The following TECTB variants were observed in gnomAD, a reference collection of about 807,000 sequenced individuals.
TECTB encodes the protein beta-tectorin.
In TECTB, 45 loss-of-function variants were observed where a neutral mutation model predicts 43.3. That is an observed-to-expected ratio of 1.04 (90% CI 0.82 to 1.33). The LOEUF is 1.33. Ranked by LOEUF, TECTB falls within the 40% of genes most tolerant of loss-of-function variation. The pLI is 0.00. For missense variants in TECTB, 399 were observed against 404.7 expected (o/e 0.99, Z 0.12); for synonymous variants, 169 against 156.7 (o/e 1.08, Z -0.59).
intron 2 of TECTB, 46 bp downstream of exon 2, chr10:112,283,856 A>G: frequency 6.3e-7 from 1 of 1,594,876 alleles, no homozygotes; most frequent in Non-Finnish European, 8.6e-7. Context: ...AAGTTTCCTG[A>G]AGTTTCCTTT....
intron 7 of TECTB, among the ~76,000 whole-genome samples, chr10:112,295,112 T>C (rs1463242778): frequency 6.6e-6 from 1 of 152,198 alleles, no homozygotes; most frequent in Non-Finnish European, 1.5e-5. Context: ...GATGTGGACA[T>C]CATACACATA....
chr10:112,302,240 G>A, intron 10 of TECTB, 107 bp downstream of exon 10: 5 of 1,395,492 alleles, frequency 3.6e-6, no homozygotes, highest in Middle Eastern at 1.8e-4. Flanking sequence ...TTTAAGGATT[G>A]AAAATTATAC....
rs1372770065 is a variant in TECTB at position 112,298,230 on chromosome 10, T to C, written c.833T>C (p.Val278Ala). 2 of 1,612,598 alleles carry C rather than the reference T, an allele frequency of 1.2e-6. No individual in the cohort carries two copies. The highest frequency in any genetic ancestry group is 1.7e-6 in the Non-Finnish European group (2 of 1,179,354). ...ICDSEKLSCP[V>A]TCDKRKRLLR... is the part of the protein sequence containing the mutation. ...GACAGTGAGAAACTCTCCTGCCCAG[T>C]GGTGAGCTGCCTCTCTCCAGAAGGA... The change falls in exon 8 of 11, where the codon GTG becomes GCG. Residue 278 changes from valine (V) to alanine (A), a missense_variant and splice_region_variant. By Grantham distance (64) the Val-to-Ala change is moderately conservative. Transcript: ENST00000646139.
At chr10:112,289,728 A>C (rs1848482409) in intron 5 of TECTB, among the ~76,000 whole-genome samples, 1 of 152,210 alleles carries the variant, frequency 6.6e-6, no homozygotes, top group Non-Finnish European at 1.5e-5. Context: ...ATCCCTATTA[A>C]AAAATGAAGC....
intron 5 of TECTB, among the ~76,000 whole-genome samples, chr10:112,288,532 G>A (rs545073252): frequency 3.3e-5 from 5 of 152,004 alleles, no homozygotes; most frequent in South Asian, 2.1e-4. Context: ...TGACACTTTC[G>A]TACTGATTAA....
chr10:112,292,930 GC>G (rs542490706), intron 5 of TECTB, among the ~76,000 whole-genome samples: 179 of 152,192 alleles, frequency 1.2e-3, no homozygotes, highest in African/African-American at 3.5e-3. Context: ...TAGCTACATG[GC>G]CCCCCTCCTC....
chr10:112,303,389 A>G lies in TECTB; in HGVS notation c.*77A>G, dbSNP rs1472982996. On this transcript the variant is annotated 3_prime_UTR_variant, in exon 11 of 11. Transcript: ENST00000646139. ...GACAAACACATTTATTGTGCTGCCA[A>G]AAAGAACAAACAGAAGACCACATTG... 4 of 1,572,808 alleles carry G rather than the reference A, an allele frequency of 2.5e-6. No individual in the cohort carries two copies. The highest frequency in any genetic ancestry group is 3.5e-6 in the Non-Finnish European group (4 of 1,143,026).
chr10:112,294,378 ATG>A (rs978472259), intron 7 of TECTB, among the ~76,000 whole-genome samples: 35 of 152,134 alleles, frequency 2.3e-4, no homozygotes, highest in African/African-American at 8.4e-4. Context: ...CTCATATTAA[ATG>A]TGTGTGTGCG....
At position 112,304,767 on chromosome 10, in the gene TECTB, G is replaced by A. The variant is rs1464939142; in HGVS notation, c.*1455G>A. ...GGCTAAAGTAAAATGACTCAATTTG[G>A]TCTAGACTTGGTCTCTAAGCTGGAG... On this transcript the variant is annotated 3_prime_UTR_variant, in exon 11 of 11. Coordinates refer to ENST00000646139, the MANE Select transcript of TECTB (RefSeq NM_058222.3). The A allele has an allele frequency of 6.6e-6, 1 of 152,152 alleles. No individual in the cohort carries two copies. The highest frequency in any genetic ancestry group is 1.5e-5 in the Non-Finnish European group (1 of 68,024). 9.4% of individuals were successfully genotyped at this position (152,152 alleles called of 1,614,324 possible).
chr10:112,303,203 T>C, intron 10 of TECTB, 60 bp from the exon 11 acceptor site: 1 of 1,599,482 alleles, frequency 6.3e-7, no homozygotes, highest in Non-Finnish European at 8.6e-7. Flanking sequence ...TTCTGTTGAG[T>C]TGGCTTTACC....
At chr10:112,297,561 A>G (rs1410253397) in intron 7 of TECTB, among the ~76,000 whole-genome samples, 1 of 152,194 alleles carries the variant, frequency 6.6e-6, no homozygotes, top group Non-Finnish European at 1.5e-5. Context: ...CATTTTTACA[A>G]AAGTAACTAT....
At position 112,283,643 on chromosome 10, in the gene TECTB, C is replaced by G; in HGVS notation, c.-87-5C>G. The G allele has an allele frequency of 1.7e-6, 2 of 1,180,668 alleles. No individual in the cohort carries two copies. Among genetic ancestry groups the G allele is most frequent in the Non-Finnish European group, 2.5e-6 (2 of 815,334 alleles). 73.1% of individuals were successfully genotyped at this position (1,180,668 alleles called of 1,614,324 possible). A position where few individuals can be genotyped will look rare whatever the true frequency, so the allele number is the denominator to read the frequency against. ...TTTAACTTTTCATTCATGTTTCTGACTTAGAATGATCGAGGCTCAGGCCCT... is the reference window on the plus strand; with the variant it reads ...TTTAACTTTTCATTCATGTTTCTGAGTTAGAATGATCGAGGCTCAGGCCCT... On this transcript the variant is annotated splice_region_variant and splice_polypyrimidine_tract_variant and intron_variant, in intron 1 of 10. Coordinates refer to ENST00000646139, the MANE Select transcript of TECTB (RefSeq NM_058222.3).
intron 9 of TECTB, among the ~76,000 whole-genome samples, chr10:112,300,270 G>GATAGA: frequency 3.9e-5 from 1 of 25,440 alleles, no homozygotes; most frequent in Middle Eastern, 0.017. Flanking sequence ...AAGAAAGAAA[G>GATAGA]AAAGAAAGAA....
chr10:112,303,506 G>T lies in TECTB; in HGVS notation c.*194G>T, dbSNP rs144849533. Reference sequence around the variant, plus strand: ...CTTTTTCTTTCTAAGAAAAACTTAGGCTACTTCCCGTGGCCCTTAGATCTC... The same window carrying T: ...CTTTTTCTTTCTAAGAAAAACTTAGTCTACTTCCCGTGGCCCTTAGATCTC... On this transcript the variant is annotated 3_prime_UTR_variant, in exon 11 of 11. Coordinates refer to ENST00000646139, the MANE Select transcript of TECTB (RefSeq NM_058222.3). The T allele has an allele frequency of 3.0e-6, 2 of 661,226 alleles. No homozygotes were observed. Among genetic ancestry groups the T allele is most frequent in the African/African-American group, 3.6e-5 (2 of 55,482 alleles). The allele number at this position is 661,226 out of a possible 1,614,324, so 41.0% of individuals were successfully genotyped here.
Position 112,284,595 on chromosome 10 carries a change from A to C in TECTB, c.137A>C (p.Tyr46Ser), listed in dbSNP as rs775359840. 3.1e-6 allele frequency: 5 copies of C among 1,613,396 alleles called. No homozygotes were observed. The South Asian group carries it at 5.5e-5, about 18-fold the overall frequency. Residue 46 changes from tyrosine (Y) to serine (S), a missense_variant, in exon 3 of 11, where the codon TAT becomes TCT. Tyr to Ser is a moderately radical substitution (Grantham distance 144, BLOSUM62 -2). Transcript: ENST00000646139. ...TIITKIPECP[Y>S]GWEVHQLALG... is the part of the protein sequence containing the mutation. Reference sequence around the variant, plus strand: ...ATCACCAAAATCCCCGAGTGTCCCTATGGATGGGAAGTTCATCAGCTGGCC... The same window carrying C: ...ATCACCAAAATCCCCGAGTGTCCCTCTGGATGGGAAGTTCATCAGCTGGCC...
At chr10:112,294,640 C>T (rs947920022) in intron 7 of TECTB, among the ~76,000 whole-genome samples, 2 of 152,094 alleles carry the variant, frequency 1.3e-5, no homozygotes, top group African/African-American at 4.8e-5. Context: ...ACTAGAAGTG[C>T]GCCCTAGAAA....
intron 5 of TECTB, among the ~76,000 whole-genome samples, chr10:112,291,376 T>C (rs1480961110): frequency 3.3e-5 from 5 of 152,164 alleles, no homozygotes; most frequent in Non-Finnish European, 7.3e-5. Flanking sequence ...TGTATATCAT[T>C]CTATTACAAA....
At position 112,293,720 on chromosome 10, in the gene TECTB, G is replaced by A; in HGVS notation, c.484-18G>A. 2 of 1,609,062 alleles carry A rather than the reference G, an allele frequency of 1.2e-6. No homozygotes were observed. The highest frequency in any genetic ancestry group is 1.7e-6 in the Non-Finnish European group (2 of 1,175,502). The stretch of plus-strand genomic sequence containing the variant: ...AATCTGAGAGTTCATAATGCCCAGT[G>A]TCAATTTCCTTCCAAAGAATGCCAA... On this transcript the variant is annotated intron_variant, in intron 5 of 10. Transcript: ENST00000646139.
At chr10:112,297,930 T>G in intron 7 of TECTB, 139 bp from the exon 8 acceptor site, 1 of 1,082,306 alleles carries the variant, frequency 9.2e-7, no homozygotes, top group Non-Finnish European at 1.4e-6. Flanking sequence ...GAAGATCAAG[T>G]GAGGTGCTGC....
Sources: allele counts gnomAD v4.1 joint callset (sites outside exome capture counted in the v4.1 genomes callset), GRCh38; gene constraint gnomAD v4.1.1; transcripts MANE v1.5; gene names NCBI Gene and HGNC (gene_info 2026-07-23, HGNC 2026-07-21).